The following RAB6A variants were observed in gnomAD, a reference collection of about 807,000 sequenced individuals.
The protein encoded by RAB6A is ras-related protein Rab-6A.
In RAB6A, 8 loss-of-function variants were observed where a neutral mutation model predicts 32.3. The observed-to-expected ratio is 0.25, with a 90% CI of 0.15 to 0.45. The LOEUF (loss-of-function observed/expected upper bound fraction) is 0.45. Among genes scored for constraint, RAB6A ranks in the 20% least tolerant of loss-of-function variants. The probability of loss-of-function intolerance (pLI) is 1.00; values close to 1 mark genes in which losing one functional copy is unlikely to be tolerated. For missense variants in RAB6A, 104 were observed against 249.4 expected (o/e 0.42, Z 3.93); for synonymous variants, 73 against 82.1 (o/e 0.89, Z 0.60).
chr11:73,731,731 T>TATATATAC (rs1346850332), intron 1 of RAB6A, among the ~76,000 whole-genome samples: 7 of 16,978 alleles, frequency 4.1e-4, no homozygotes, highest in Admixed American at 7.3e-4. Flanking sequence ...TATATATATA[T>TATATATAC]ACACACACAC....
intron 1 of RAB6A, among the ~76,000 whole-genome samples, chr11:73,735,884 TTTGAGGAGGCAGTTTCTGGAATCCCAACC>T (rs1946384403): frequency 1.4e-5 from 2 of 139,388 alleles, no homozygotes; most frequent in African/African-American, 5.4e-5. Flanking sequence ...ATAAGCAGTA[TTTGAGGAGGCAGTTTCTGGAATCCCAACC>T]TTGCCTTAAA....
chr11:73,705,942 A>C (rs1480065098), intron 6 of RAB6A, among the ~76,000 whole-genome samples: 1 of 152,154 alleles, frequency 6.6e-6, no homozygotes, highest in Non-Finnish European at 1.5e-5. Context: ...GCTGACATCT[A>C]AACTGAAACT....
At chr11:73,702,448 G>A (rs1590841674) in intron 6 of RAB6A, among the ~76,000 whole-genome samples, 1 of 152,090 alleles carries the variant, frequency 6.6e-6, no homozygotes, top group East Asian at 1.9e-4. Context: ...CTGGGATTAT[G>A]GGCATGAGCC....
Position 73,718,593 on chromosome 11 carries a change from G to A in RAB6A, c.289+20C>T. The A allele has an allele frequency of 6.3e-7, 1 of 1,576,852 alleles. No individual in the cohort carries two copies. Among genetic ancestry groups the A allele is most frequent in the South Asian group, 1.1e-5 (1 of 88,206 alleles). On this transcript the variant is annotated intron_variant, in intron 4 of 7. Coordinates refer to ENST00000336083, the MANE Select transcript of RAB6A (RefSeq NM_198896.2). ...TAAAGGTTGAAAGAAGATTAGAAAT[G>A]CATAATTCCCTCCACTCACTTGTGA...
At chr11:73,728,606 G>GT (rs1946258731) in intron 2 of RAB6A, among the ~76,000 whole-genome samples, 1 of 20,716 alleles carries the variant, frequency 4.8e-5, no homozygotes, top group South Asian at 2.7e-3. Flanking sequence ...ATCTGTCTTT[G>GT]TTTAAATAAT....
intron 6 of RAB6A, among the ~76,000 whole-genome samples, chr11:73,680,628 G>C (rs1043722615): frequency 1.1e-4 from 17 of 152,090 alleles, no homozygotes; most frequent in African/African-American, 3.9e-4. Flanking sequence ...TTCCAGCCTG[G>C]GCGACACAGC....
At chr11:73,714,446 G>C (rs956081855) in intron 5 of RAB6A, among the ~76,000 whole-genome samples, 1 of 151,800 alleles carries the variant, frequency 6.6e-6, no homozygotes, top group Non-Finnish European at 1.5e-5. Flanking sequence ...CGGATCACAA[G>C]GTCAGGAGTT....
intron 1 of RAB6A, among the ~76,000 whole-genome samples, chr11:73,741,568 T>A (rs1767771949): frequency 6.6e-6 from 1 of 151,878 alleles, no homozygotes; most frequent in African/African-American, 2.4e-5. Flanking sequence ...TTACAGCTGC[T>A]TTTTATTAGT....
intron 2 of RAB6A, among the ~76,000 whole-genome samples, chr11:73,723,731 G>C (rs1331887912): frequency 6.6e-6 from 1 of 152,066 alleles, no homozygotes; most frequent in Admixed American, 6.6e-5. Flanking sequence ...CCTTGCAAAG[G>C]TTACAGTCTG....
intron 2 of RAB6A, among the ~76,000 whole-genome samples, chr11:73,724,707 C>T (rs1221739454): frequency 3.3e-5 from 5 of 151,814 alleles, no homozygotes; most frequent in East Asian, 1.9e-4. Context: ...AACATGGTGT[C>T]GATCTCCAGA....
At position 73,722,288 on chromosome 11, in the gene RAB6A, AAT is replaced by A. The variant is rs1207297946; in HGVS notation, c.130-1391_130-1390del. ...CTGATGCTTCCGTAAATAAAATTCAAATATATATGTGTGTGTGTATATATATA... is the reference window on the plus strand; with the variant it reads ...CTGATGCTTCCGTAAATAAAATTCAAATATATGTGTGTGTGTATATATATA... On this transcript the variant is annotated intron_variant, in intron 2 of 7. Transcript: ENST00000336083. 4.0e-5 allele frequency: 5 copies of A among 124,798 alleles called. 1 individual carries two copies. In the East Asian group the frequency reaches 8.5e-4, roughly 21 times the overall value. 7.7% of individuals were successfully genotyped at this position (124,798 alleles called of 1,614,324 possible).
intron 1 of RAB6A, 140 bp downstream of exon 1, chr11:73,760,426 G>T (rs1946827252): frequency 4.4e-6 from 5 of 1,146,342 alleles, no homozygotes; most frequent in Non-Finnish European, 6.1e-6. Flanking sequence ...TGGCACCGGG[G>T]GGCACATCGG....
chr11:73,752,036 A>C (rs1946676795), intron 1 of RAB6A, among the ~76,000 whole-genome samples: 1 of 152,228 alleles, frequency 6.6e-6, no homozygotes, highest in Admixed American at 6.5e-5. Flanking sequence ...TCAAACAGGA[A>C]ATAGAGAAAC....
chr11:73,751,668 G>A (rs1432613384), intron 1 of RAB6A, among the ~76,000 whole-genome samples: 1 of 152,146 alleles, frequency 6.6e-6, no homozygotes, highest in Admixed American at 6.6e-5. Flanking sequence ...CTGTACTAGG[G>A]ATTACAAGGT....
intron 5 of RAB6A, among the ~76,000 whole-genome samples, chr11:73,710,046 C>T (rs1945925508): frequency 6.7e-6 from 1 of 149,272 alleles, no homozygotes; most frequent in Admixed American, 6.7e-5. Context: ...GCAAGCTCCA[C>T]CTCCCAGGTT....
chr11:73,686,327 G>C (rs572987459), intron 6 of RAB6A, among the ~76,000 whole-genome samples: 2 of 152,252 alleles, frequency 1.3e-5, no homozygotes, highest in African/African-American at 2.4e-5. Context: ...AGGCAAAGGT[G>C]GGGGGATCAT....
rs1945265407 is a variant in RAB6A at position 73,676,013 on chromosome 11, TAAGTA to T, written c.*1880_*1884del. The stretch of plus-strand genomic sequence containing the variant: ...GCACTTTACAACTCCATCCCATCTT[TAAGTA>T]TAAGTTACTGGTATGTGGGCTAATG... On this transcript the variant is annotated 3_prime_UTR_variant, in exon 8 of 8. Coordinates refer to ENST00000336083, the MANE Select transcript of RAB6A (RefSeq NM_198896.2). The T allele has an allele frequency of 2.1e-5, 1 of 46,542 alleles. No individual in the cohort carries two copies. Among genetic ancestry groups the T allele is most frequent in the Non-Finnish European group, 8.0e-5 (1 of 12,432 alleles). 2.9% of individuals were successfully genotyped at this position (46,542 alleles called of 1,614,324 possible). A position where few individuals can be genotyped will look rare whatever the true frequency, so the allele number is the denominator to read the frequency against.
chr11:73,714,702 G>A (rs1044451120), intron 5 of RAB6A, among the ~76,000 whole-genome samples: 7 of 151,850 alleles, frequency 4.6e-5, no homozygotes, highest in Admixed American at 4.6e-4. Context: ...CTGGCAGGGC[G>A]CGGTGGCTCA....
intron 2 of RAB6A, among the ~76,000 whole-genome samples, chr11:73,729,223 C>G (rs769035828): frequency 5.9e-5 from 9 of 152,156 alleles, no homozygotes; most frequent in Non-Finnish European, 8.8e-5. Flanking sequence ...CTCAGCCACC[C>G]AAGTAGCTGG....
Sources: gnomAD v4.1 joint callset for allele counts (sites outside exome capture counted in the v4.1 genomes callset) on GRCh38, gnomAD v4.1.1 for gene constraint, MANE v1.5 for transcripts, NCBI Gene and HGNC (gene_info 2026-07-23, HGNC 2026-07-21) for gene names.